TENM3: variants seen among roughly 807,000 people sequenced by gnomAD.
TENM3 encodes teneurin transmembrane protein 3.
In TENM3, 63 loss-of-function variants were observed where a neutral mutation model predicts 255.1. That is an observed-to-expected ratio of 0.25 (90% CI 0.20 to 0.30). The LOEUF is 0.30. Among genes scored for constraint, TENM3 ranks in the 10% least tolerant of loss-of-function variants. The pLI, the probability that TENM3 is intolerant of heterozygous loss-of-function variation, is 1.00. For missense variants in TENM3, 2,929 were observed against 3,461.1 expected, an observed-to-expected ratio of 0.85 and a Z score of 3.86; for synonymous variants, 1,306 against 1,322.3, an observed-to-expected ratio of 0.99 and a Z score of 0.27.
chr4:182,744,698 C>T lies in TENM3; in HGVS notation c.3629+1279C>T, dbSNP rs376674084. Among the ~76,000 whole-genome samples the T allele has an allele frequency of 1.1e-4, 17 of 152,170 alleles. No individual in the cohort carries two copies. The East Asian group carries it at 1.2e-3, about 10-fold the overall frequency. ...AACTGAAGCTTAATTATTAGCTTCC[C>T]GTAAATTCCTCTTTGCCTATAGTTT... On this transcript the variant is annotated intron_variant, in intron 19 of 27. Transcript: ENST00000511685.
intron 1 of TENM3, among the ~76,000 whole-genome samples, chr4:182,210,029 T>C (rs1404832864): frequency 2.0e-5 from 3 of 152,188 alleles, no homozygotes; most frequent in Non-Finnish European, 4.4e-5. Context: ...CCAGCCTCCC[T>C]GTGCCGCATC....
the TENM3 span, among the ~76,000 whole-genome samples, chr4:181,682,909 G>T: frequency 5.9e-5 from 9 of 151,910 alleles, no homozygotes; most frequent in African/African-American, 2.2e-4. Context: ...CTCAGGGGCG[G>T]CTTGTAACAA....
the TENM3 span, among the ~76,000 whole-genome samples, chr4:181,951,069 C>T: frequency 1.3e-5 from 2 of 152,100 alleles, no homozygotes; most frequent in Non-Finnish European, 2.9e-5. Flanking sequence ...AACAAACAAA[C>T]AAATAAAGAA....
the TENM3 span, among the ~76,000 whole-genome samples, chr4:181,799,127 T>C: frequency 2.3e-4 from 35 of 152,326 alleles, no homozygotes; most frequent in Non-Finnish European, 4.3e-4. Context: ...TCAAGGGAGA[T>C]GACATAACTG....
At chr4:181,479,629 CTTTATATCAAAAAAA>C in the TENM3 span, among the ~76,000 whole-genome samples, 1 of 151,996 alleles carries the variant, frequency 6.6e-6, no homozygotes, top group Middle Eastern at 3.4e-3. Flanking sequence ...GGAATTATAG[CTTTATATCAAAAAAA>C]TTAATAGGAC....
At chr4:181,606,206 C>T in the TENM3 span, among the ~76,000 whole-genome samples, 13 of 152,288 alleles carry the variant, frequency 8.5e-5, no homozygotes, top group South Asian at 1.5e-3. Context: ...ATCGTGTTTC[C>T]GGTCTTGTCT....
At chr4:182,294,348 C>G (rs1249779427) in intron 1 of TENM3, among the ~76,000 whole-genome samples, 1 of 152,100 alleles carries the variant, frequency 6.6e-6, no homozygotes, top group Admixed American at 6.5e-5. Flanking sequence ...AGGGCCACCC[C>G]ACAGCAGCAA....
At chr4:182,420,584 T>C (rs1770757031) in intron 3 of TENM3, among the ~76,000 whole-genome samples, 1 of 152,248 alleles carries the variant, frequency 6.6e-6, no homozygotes, top group Non-Finnish European at 1.5e-5. Context: ...CTGTAATACT[T>C]ACTCAGATAA....
At chr4:182,073,514 T>C in the TENM3 span, among the ~76,000 whole-genome samples, 2 of 152,136 alleles carry the variant, frequency 1.3e-5, no homozygotes, top group African/African-American at 4.8e-5. Flanking sequence ...TGTGAGAAAA[T>C]ACATTTCTGT....
chr4:182,064,246 A>G, the TENM3 span, among the ~76,000 whole-genome samples: 1 of 152,104 alleles, frequency 6.6e-6, no homozygotes, highest in East Asian at 1.9e-4. Flanking sequence ...GTCATGGAAA[A>G]TGAATCTAAA....
the TENM3 span, among the ~76,000 whole-genome samples, chr4:182,102,351 A>G: frequency 6.6e-6 from 1 of 152,216 alleles, no homozygotes; most frequent in Non-Finnish European, 1.5e-5. Flanking sequence ...TCATGTGTCC[A>G]CATGAGATTA....
intron 1 of TENM3, among the ~76,000 whole-genome samples, chr4:182,238,343 C>A (rs1757017134): frequency 6.6e-6 from 1 of 152,184 alleles, no homozygotes; most frequent in African/African-American, 2.4e-5. Context: ...TTCCCCAAGG[C>A]CTTTGTAATT....
chr4:181,570,735 G>T, the TENM3 span, among the ~76,000 whole-genome samples: 5 of 152,230 alleles, frequency 3.3e-5, no homozygotes, highest in East Asian at 7.7e-4. Context: ...TTCCTAAGGG[G>T]AATGCCAACA....
At chr4:182,565,853 T>C (rs1378128364) in intron 3 of TENM3, among the ~76,000 whole-genome samples, 1 of 152,194 alleles carries the variant, frequency 6.6e-6, no homozygotes, top group Non-Finnish European at 1.5e-5. Context: ...AATTCTGTCT[T>C]CTTTTTCAAC....
the TENM3 span, among the ~76,000 whole-genome samples, chr4:181,550,894 A>T: frequency 1.3e-5 from 2 of 152,092 alleles, no homozygotes; most frequent in Non-Finnish European, 2.9e-5. Flanking sequence ...CAAACTACCC[A>T]TACTTTAATA....
At chr4:181,578,438 G>T in the TENM3 span, among the ~76,000 whole-genome samples, 1 of 152,100 alleles carries the variant, frequency 6.6e-6, no homozygotes, top group African/African-American at 2.4e-5. Flanking sequence ...GAGGAATAGC[G>T]GCCAGGGTCT....
At chr4:182,417,551 T>A (rs1004907407) in intron 3 of TENM3, among the ~76,000 whole-genome samples, 4 of 152,088 alleles carry the variant, frequency 2.6e-5, no homozygotes, top group Non-Finnish European at 4.4e-5. Flanking sequence ...TAGAAAAAAA[T>A]TCATAAAATA....
chr4:181,570,190 C>T, the TENM3 span, among the ~76,000 whole-genome samples: 1 of 151,686 alleles, frequency 6.6e-6, no homozygotes, highest in Non-Finnish European at 1.5e-5. Flanking sequence ...GGACTACAGG[C>T]GCCCGCCACC....
chr4:182,280,415 A>G (rs1004629457), intron 1 of TENM3, among the ~76,000 whole-genome samples: 1 of 152,190 alleles, frequency 6.6e-6, no homozygotes, highest in Non-Finnish European at 1.5e-5. Context: ...AATCACTGAG[A>G]TTTATATATT....
Sources: allele counts gnomAD v4.1 joint callset (sites outside exome capture counted in the v4.1 genomes callset), GRCh38; gene constraint gnomAD v4.1.1; transcripts MANE v1.5; gene names NCBI Gene and HGNC (gene_info 2026-07-23, HGNC 2026-07-21).